The following NBAS variants were observed in gnomAD, a reference collection of about 807,000 sequenced individuals.
NBAS encodes the protein NBAS subunit of NRZ tethering complex, also known as NAG/BC035112 fusion.
NBAS carries 219 observed loss-of-function variants against 302.5 expected under a neutral mutation model. That is an observed-to-expected ratio of 0.72 (90% confidence interval 0.65 to 0.81). The LOEUF (loss-of-function observed/expected upper bound fraction) is 0.81, where lower values mean the gene tolerates loss of function less well. NBAS is among the 30% of genes least tolerant of loss of function. The pLI, the probability that NBAS is intolerant of heterozygous loss-of-function variation, is 0.00. For synonymous variants in NBAS, 1,118 were observed against 1,021.6 expected (o/e 1.09, Z -1.80); for missense variants, 2,932 against 2,841.6 (o/e 1.03, Z -0.72).
the NBAS span, among the ~76,000 whole-genome samples, chr2:15,132,814 A>AT: frequency 3.5e-4 from 53 of 151,166 alleles, no homozygotes; most frequent in East Asian, 3.9e-3. Flanking sequence ...CTTTTTGATA[A>AT]TTTTTTTTTA....
At chr2:15,218,261 T>A (rs532399438) in intron 48 of NBAS, among the ~76,000 whole-genome samples, 1 of 152,214 alleles carries the variant, frequency 6.6e-6, no homozygotes, top group Admixed American at 6.5e-5. Flanking sequence ...TAATCTACCA[T>A]GCATATGCAT....
intron 51 of NBAS, among the ~76,000 whole-genome samples, chr2:15,177,154 A>C (rs1475463281): frequency 6.6e-6 from 1 of 152,204 alleles, no homozygotes; most frequent in African/African-American, 2.4e-5. Flanking sequence ...AAGGGCACAG[A>C]CGTTTCGTGC....
At chr2:15,475,574 C>T (rs1680152678) in intron 14 of NBAS, 113 bp downstream of exon 14, 2 of 1,124,436 alleles carry the variant, frequency 1.8e-6, no homozygotes, top group Middle Eastern at 5.8e-4. Flanking sequence ...TGATTCCAAT[C>T]ACAGATTTTT....
At chr2:15,166,887 A>C, downstream of NBAS, 1 of 936,566 alleles carries the variant, frequency 1.1e-6, no homozygotes, top group Non-Finnish European at 1.5e-6. Context: ...AGAAAGAAAA[A>C]AAAGGTTAAA....
the NBAS span, among the ~76,000 whole-genome samples, chr2:14,944,150 A>T: frequency 6.6e-6 from 1 of 152,166 alleles, no homozygotes; most frequent in Non-Finnish European, 1.5e-5. Flanking sequence ...AATACAAAAA[A>T]TTAGCCGGGC....
chr2:15,338,337 A>G (rs575943721), intron 35 of NBAS, among the ~76,000 whole-genome samples: 14 of 152,324 alleles, frequency 9.2e-5, no homozygotes, highest in Non-Finnish European at 1.2e-4. Flanking sequence ...CCTCCAACAT[A>G]GCCTTAAATA....
intron 48 of NBAS, among the ~76,000 whole-genome samples, chr2:15,208,084 C>A (rs1666229355): frequency 6.6e-6 from 1 of 152,052 alleles, no homozygotes; most frequent in Non-Finnish European, 1.5e-5. Flanking sequence ...TTGTATTAGT[C>A]CATTTTCACT....
chr2:15,331,207 A>AT (rs1327214689), intron 35 of NBAS, among the ~76,000 whole-genome samples: 2 of 152,226 alleles, frequency 1.3e-5, no homozygotes, highest in Non-Finnish European at 2.9e-5. Flanking sequence ...ACATTCAGAC[A>AT]ATCAACCTTT....
chr2:15,162,665 G>A (rs1002204083), downstream of NBAS, among the ~76,000 whole-genome samples: 5 of 152,140 alleles, frequency 3.3e-5, no homozygotes, highest in Non-Finnish European at 7.3e-5. Context: ...CTTCCTTCTC[G>A]TATCTACCGC....
At chr2:14,948,118 T>C in the NBAS span, among the ~76,000 whole-genome samples, 2 of 152,216 alleles carry the variant, frequency 1.3e-5, no homozygotes, top group African/African-American at 2.4e-5. Flanking sequence ...CATTTTTGCA[T>C]CTATGATCAT....
intron 48 of NBAS, among the ~76,000 whole-genome samples, chr2:15,209,940 G>GA (rs1666331400): frequency 6.6e-6 from 1 of 152,048 alleles, no homozygotes; most frequent in South Asian, 2.1e-4. Context: ...AATAAAACTA[G>GA]ACCTCTATCT....
At chr2:14,950,046 C>T in the NBAS span, among the ~76,000 whole-genome samples, 1 of 152,140 alleles carries the variant, frequency 6.6e-6, no homozygotes, top group South Asian at 2.1e-4. Flanking sequence ...TATTGGGGTA[C>T]AGGTGGTATC....
chr2:15,537,199 C>T (rs575024603), intron 7 of NBAS, among the ~76,000 whole-genome samples: 12 of 152,250 alleles, frequency 7.9e-5, no homozygotes, highest in African/African-American at 1.7e-4. Flanking sequence ...AATCAACAGA[C>T]GCAGGAAAAA....
the NBAS span, among the ~76,000 whole-genome samples, chr2:15,070,265 A>C: frequency 6.6e-6 from 1 of 152,152 alleles, no homozygotes; most frequent in African/African-American, 2.4e-5. Context: ...TCTAATGCTG[A>C]TGCCCCTAAT....
chr2:15,165,821 T>C (rs1392113204), downstream of NBAS, among the ~76,000 whole-genome samples: 3 of 152,320 alleles, frequency 2.0e-5, no homozygotes, highest in African/African-American at 7.2e-5. Context: ...CTTAACCTTG[T>C]GCAAATTACT....
the NBAS span, among the ~76,000 whole-genome samples, chr2:15,086,541 T>C: frequency 3.9e-5 from 6 of 152,206 alleles, no homozygotes; most frequent in Admixed American, 3.3e-4. Flanking sequence ...CTGTGGCCCC[T>C]TGGGGAGCCC....
chr2:15,317,579 A>G (rs1196032479), intron 38 of NBAS, among the ~76,000 whole-genome samples: 1 of 152,254 alleles, frequency 6.6e-6, no homozygotes, highest in Non-Finnish European at 1.5e-5. Context: ...GCTGAAAACC[A>G]TGGCACGAGA....
At chr2:15,206,010 TG>T (rs1666125294) in intron 48 of NBAS, among the ~76,000 whole-genome samples, 1 of 152,028 alleles carries the variant, frequency 6.6e-6, no homozygotes, top group African/African-American at 2.4e-5. Context: ...GAAGCACCAT[TG>T]GAACTGGGTA....
the NBAS span, among the ~76,000 whole-genome samples, chr2:14,988,543 T>G: frequency 6.6e-6 from 1 of 152,302 alleles, no homozygotes; most frequent in Non-Finnish European, 1.5e-5. Flanking sequence ...AAGTTCACTG[T>G]GTCATAGTTC....
Sources: gnomAD v4.1 joint callset for allele counts (sites outside exome capture counted in the v4.1 genomes callset) on GRCh38, gnomAD v4.1.1 for gene constraint, MANE v1.5 for transcripts, NCBI Gene and HGNC (gene_info 2026-07-23, HGNC 2026-07-21) for gene names.